The following SUCO variants were observed in gnomAD, a reference collection of about 807,000 sequenced individuals.
SUCO encodes the protein SUN domain containing ossification factor.
SUCO carries 57 observed loss-of-function variants against 148.1 expected under a neutral mutation model. The observed-to-expected ratio is 0.38, with a 90% CI of 0.31 to 0.48. The LOEUF is 0.48. Ranked by LOEUF, SUCO falls within the 20% of genes least tolerant of loss-of-function variation. SUCO has a pLI of 0.96. For missense variants in SUCO, 1,331 were observed against 1,468.2 expected (o/e 0.91, Z 1.53); for synonymous variants, 470 against 502.7 (o/e 0.93, Z 0.87).
chr1:172,557,243 T>TTA, intron 4 of SUCO, 37 bp from the exon 5 acceptor site: 1 of 1,601,878 alleles, frequency 6.2e-7, no homozygotes, highest in Non-Finnish European at 8.5e-7. Context: ...TCAAGTTTAT[T>TTA]TAATTACCAG....
At chr1:172,582,824 G>A (rs1414095248) in intron 15 of SUCO, among the ~76,000 whole-genome samples, 1 of 152,042 alleles carries the variant, frequency 6.6e-6, no homozygotes, top group Non-Finnish European at 1.5e-5. Flanking sequence ...TTGTTACCAC[G>A]TTTCCTGAAA....
At chr1:172,567,155 G>A (rs1055305748) in intron 6 of SUCO, among the ~76,000 whole-genome samples, 2 of 152,188 alleles carry the variant, frequency 1.3e-5, no homozygotes, top group African/African-American at 4.8e-5. Flanking sequence ...AGTCCCAGAA[G>A]TTATGGATAT....
rs1215156320 is a variant in SUCO at position 172,578,304 on chromosome 1, T to A, written c.1347T>A (p.Phe449Leu). Residue 449 changes from phenylalanine to leucine, a missense_variant, in exon 14 of 24, where the codon TTT (phenylalanine) becomes TTA (leucine). Physicochemically the swap from Phe to Leu is conservative, Grantham distance 22. Around this residue, in one of 3 missense-constraint regions of SUCO, gnomAD observed 992 missense variants for 1,093.5 expected, o/e 0.91. Transcript: ENST00000263688. ...ATGAAATTGTTGTTGATAGGGTATTTGGCACTAGCATGGTGGAAGAATATG... is the reference window on the plus strand; with the variant it reads ...ATGAAATTGTTGTTGATAGGGTATTAGGCACTAGCATGGTGGAAGAATATG... Reference protein sequence around the residue: ...HFCPLSLIRVFGTSMVEEYEE... With the variant: ...HFCPLSLIRVLGTSMVEEYEE... 6.2e-7 allele frequency: 1 copy of A among 1,609,176 alleles called. No individual in the cohort carries two copies. The highest frequency in any genetic ancestry group is 1.7e-5 in the Admixed American group (1 of 59,968).
At position 172,611,264 on chromosome 1, in the gene SUCO, T is replaced by C. The variant is rs1658194090; in HGVS notation, c.*1005T>C. On this transcript the variant is annotated 3_prime_UTR_variant, in exon 24 of 24. Coordinates refer to ENST00000263688, the MANE Select transcript of SUCO (RefSeq NM_014283.5). Reference sequence around the variant, plus strand: ...GAGATTATTATTCCTTGATGTTTGCTTTGTATTGGCTACAAATGTGCAGAG... The same window carrying C: ...GAGATTATTATTCCTTGATGTTTGCCTTGTATTGGCTACAAATGTGCAGAG... The C allele has an allele frequency of 6.5e-6, 1 of 152,686 alleles. No individual in the cohort carries two copies. The highest frequency in any genetic ancestry group is 1.5e-5 in the Non-Finnish European group (1 of 68,042). 9.5% of individuals were successfully genotyped at this position (152,686 alleles called of 1,614,324 possible).
chr1:172,590,501 T>G (rs1480643858), intron 18 of SUCO: 1 of 284,086 alleles, frequency 3.5e-6, no homozygotes, highest in Non-Finnish European at 5.3e-6. Flanking sequence ...TTTACTCTTT[T>G]TTTTATCCTC....
chr1:172,568,215 T>C, intron 6 of SUCO: 2 of 759,056 alleles, frequency 2.6e-6, no homozygotes, highest in Non-Finnish European at 3.2e-6. Context: ...GACCACTGAT[T>C]TATATGATAT....
At chr1:172,589,969 A>G in intron 18 of SUCO, 43 bp downstream of exon 18, 1 of 1,452,164 alleles carries the variant, frequency 6.9e-7, no homozygotes, top group Non-Finnish European at 9.1e-7. Flanking sequence ...TCACACAGTG[A>G]GTTAAGCAGC....
At chr1:172,582,861 G>C (rs571449002) in intron 15 of SUCO, among the ~76,000 whole-genome samples, 9 of 152,180 alleles carry the variant, frequency 5.9e-5, no homozygotes, top group Non-Finnish European at 8.8e-5. Flanking sequence ...TATTTTAAAA[G>C]GGTGAATAGA....
At chr1:172,556,046 C>A (rs1321117592) in intron 4 of SUCO, 23 bp downstream of exon 4, 12 of 1,575,550 alleles carry the variant, frequency 7.6e-6, no homozygotes, top group Admixed American at 5.3e-5. Context: ...AAAAAACAAA[C>A]ACAAAAAAGA....
At chr1:172,571,716 G>A (rs866907799) in intron 9 of SUCO, among the ~76,000 whole-genome samples, 1,327 of 79,800 alleles carry the variant, frequency 0.017, 24 homozygotes, top group Non-Finnish European at 0.023. Flanking sequence ...CCGCCGCCCC[G>A]TCTGGGATGT....
Position 172,575,499 on chromosome 1 carries a change from T to C in SUCO, c.1158-19T>C. The C allele has an allele frequency of 6.6e-7, 1 of 1,517,080 alleles. No individual in the cohort carries two copies. Among genetic ancestry groups the C allele is most frequent in the Non-Finnish European group, 9.1e-7 (1 of 1,098,420 alleles). The allele number at this position is 1,517,080 out of a possible 1,614,324, so 94.0% of individuals were successfully genotyped here. A position where few individuals can be genotyped will look rare whatever the true frequency, so the allele number is the denominator to read the frequency against. ...GGTTTATAATTTTTAAAAAAGAACA[T>C]ATTGCTTATATTTTTTAGATATCCA... is the stretch of plus-strand genomic sequence containing the variant. On this transcript the variant is annotated intron_variant, in intron 10 of 23. Transcript: ENST00000263688.
chr1:172,532,828 A>T (rs1190387968), upstream of SUCO: 1 of 1,567,498 alleles, frequency 6.4e-7, no homozygotes, highest in African/African-American at 1.4e-5. Flanking sequence ...AATGCTGAGG[A>T]TCACTGGGCT....
At chr1:172,551,451 C>T in intron 1 of SUCO, 61 bp from the exon 2 acceptor site, 1 of 1,112,288 alleles carries the variant, frequency 9.0e-7, no homozygotes, top group Non-Finnish European at 1.3e-6. Context: ...GACTTAACAA[C>T]TTTTCTTCTT....
chr1:172,601,336 A>C (rs554858350), intron 20 of SUCO, among the ~76,000 whole-genome samples: 63 of 152,138 alleles, frequency 4.1e-4, no homozygotes, highest in South Asian at 1.5e-3. Flanking sequence ...CTAAGAATAC[A>C]AGAAAATTAG....
intron 11 of SUCO, 108 bp from the exon 12 acceptor site, chr1:172,577,431 A>G (rs1306350558): frequency 8.7e-6 from 9 of 1,031,118 alleles, no homozygotes; most frequent in Non-Finnish European, 1.4e-6. Flanking sequence ...ACATGACATT[A>G]CTCTCTATAC....
intron 15 of SUCO, among the ~76,000 whole-genome samples, chr1:172,580,339 C>T (rs1655793079): frequency 6.6e-6 from 1 of 152,142 alleles, no homozygotes; most frequent in Non-Finnish European, 1.5e-5. Context: ...AACTTTATTA[C>T]ATATCAGTTC....
intron 7 of SUCO, chr1:172,569,460 G>A (rs1654787141): frequency 1.0e-6 from 1 of 978,588 alleles, no homozygotes; most frequent in Admixed American, 6.2e-5. Flanking sequence ...AACTCAAAAA[G>A]AACTTGCATA....
At chr1:172,606,519 A>G (rs780445056) in intron 22 of SUCO, among the ~76,000 whole-genome samples, 1 of 151,654 alleles carries the variant, frequency 6.6e-6, no homozygotes, top group Non-Finnish European at 1.5e-5. Flanking sequence ...TATTTATGTT[A>G]CTGTTCTTGT....
At chr1:172,544,879 C>A (rs749197249) in intron 1 of SUCO, among the ~76,000 whole-genome samples, 1 of 152,102 alleles carries the variant, frequency 6.6e-6, no homozygotes, top group Non-Finnish European at 1.5e-5. Context: ...AGATTTTTGG[C>A]AGAGGTGTGA....
Sources: gnomAD v4.1 joint callset for allele counts (sites outside exome capture counted in the v4.1 genomes callset) on GRCh38, gnomAD v4.1.1 for gene constraint, gnomAD v4.1.1 regional missense constraint, MANE v1.5 for transcripts, NCBI Gene and HGNC (gene_info 2026-07-23, HGNC 2026-07-21) for gene names.